The following RBBP6 variants were observed in gnomAD, a reference collection of about 807,000 sequenced individuals.
RBBP6 encodes E3 ubiquitin-protein ligase RBBP6.
Under a neutral mutation model 167.7 loss-of-function variants are expected in RBBP6, and 25 were observed. That is an observed-to-expected ratio of 0.15 (90% CI 0.11 to 0.21). RBBP6 has a LOEUF of 0.21. RBBP6 is among the 10% of genes least tolerant of loss of function. The probability of loss-of-function intolerance (pLI) is 1.00; values close to 1 mark genes in which losing one functional copy is unlikely to be tolerated. For missense variants in RBBP6, 1,868 were observed against 2,134.2 expected (o/e 0.88, Z 2.46); for synonymous variants, 789 against 735.8 (o/e 1.07, Z -1.17).
At chr16:24,563,165 AT>A in intron 10 of RBBP6, 33 bp from the exon 11 acceptor site, 1 of 1,519,696 alleles carries the variant, frequency 6.6e-7, no homozygotes. Context: ...ATTTCTGATA[AT>A]TTTTAATGTA....
In RBBP6 at chr16:24,556,995, C is replaced by CTTTTT. The variant is rs397962167; in HGVS notation, c.674+565_674+569dup. ...ATAGCTCTATAAAACACCTTAATGC[C>CTTTTT]TTTTTTTTTTTTTTTTTTTTTGAGA... On this transcript the variant is annotated intron_variant, in intron 7 of 17. Transcript: ENST00000319715. 6.7e-4 allele frequency among the ~76,000 whole-genome samples: 73 copies of CTTTTT among 108,846 alleles called. 1 individual carries two copies. The highest frequency in any genetic ancestry group is 1.7e-3 in the African/African-American group (48 of 27,810). 71.4% of individuals were successfully genotyped at this position (108,846 alleles called of 152,430 possible). A position where few individuals can be genotyped will look rare whatever the true frequency, so the allele number is the denominator to read the frequency against.
rs1474213272 is a variant in RBBP6 at position 24,568,764 on chromosome 16, G to C, written c.2074G>C (p.Gly692Arg). Residue 692 changes from glycine to arginine, a missense_variant, in exon 17 of 18, where the codon GGT becomes CGT. Gly to Arg is a moderately radical substitution (Grantham distance 125, BLOSUM62 -2). Coordinates refer to ENST00000319715, the MANE Select transcript of RBBP6 (RefSeq NM_006910.5). ...SFSRSKSPYS[G>R]SSYSRSSYTY... ...TTTTAGGTCTAAATCTCCCTATAGTGGTTCTTCGTATTCAAGAAGTTCATA... is the reference window on the plus strand; with the variant it reads ...TTTTAGGTCTAAATCTCCCTATAGTCGTTCTTCGTATTCAAGAAGTTCATA... 2.5e-6 allele frequency: 4 copies of C among 1,613,654 alleles called. No individual in the cohort carries two copies. In the Admixed American group the frequency reaches 6.7e-5, roughly 27 times the overall value.
chr16:24,548,787 A>G (rs1457195531), intron 2 of RBBP6, among the ~76,000 whole-genome samples, 158 bp from the exon 3 acceptor site: 2 of 152,184 alleles, frequency 1.3e-5, no homozygotes. Context: ...AAGATTAATC[A>G]GAGTAATTTA....
chr16:24,563,625 A>G lies in RBBP6; in HGVS notation c.1481A>G (p.Asn494Ser), dbSNP rs377276872. The G allele has an allele frequency of 2.6e-5, 42 of 1,612,450 alleles. No homozygotes were observed. Among genetic ancestry groups the G allele is most frequent in the Non-Finnish European group, 2.1e-5 (25 of 1,179,798 alleles). The part of the protein sequence containing the change: ...LIPTTGPVRI[N>S]TARPGGGRPG... The stretch of plus-strand genomic sequence containing the variant: ...TTGTTTCTAGGTCCAGTAAGAATAA[A>G]TACTGCTCGTCCAGGTGGTGGTCGA... Residue 494 changes from asparagine (N) to serine (S), a missense_variant, in exon 13 of 18, where the codon AAT (asparagine) becomes AGT (serine). Coordinates refer to ENST00000319715, the MANE Select transcript of RBBP6 (RefSeq NM_006910.5).
chr16:24,557,833 A>G (rs1447036532), intron 7 of RBBP6, among the ~76,000 whole-genome samples: 2 of 152,198 alleles, frequency 1.3e-5, no homozygotes, highest in Non-Finnish European at 2.9e-5. Flanking sequence ...GAAAATAGCT[A>G]TGCCATAGAA....
intron 4 of RBBP6, 169 bp from the exon 5 acceptor site, chr16:24,555,446 A>G: frequency 1.7e-6 from 1 of 581,230 alleles, no homozygotes. Context: ...AACATCATGT[A>G]ATTACCTAAG....
chr16:24,552,734 A>G (rs1292891615), intron 3 of RBBP6, among the ~76,000 whole-genome samples: 1 of 151,794 alleles, frequency 6.6e-6, no homozygotes, highest in East Asian at 1.9e-4. Context: ...CCCCCTCTTC[A>G]GTGTTAGAGA....
intron 2 of RBBP6, among the ~76,000 whole-genome samples, chr16:24,547,586 G>C (rs1489804710): frequency 6.6e-6 from 1 of 152,112 alleles, no homozygotes; most frequent in Non-Finnish European, 1.5e-5. Flanking sequence ...CTCCCAAGTA[G>C]CCAGGATTAT....
chr16:24,553,762 A>G (rs1000566712), intron 4 of RBBP6: 22 of 352,492 alleles, frequency 6.2e-5, no homozygotes, highest in South Asian at 2.1e-4. Context: ...AGTATTGTTC[A>G]TCTTCAAGAC....
At chr16:24,558,898 A>G (rs1487206305) in intron 7 of RBBP6, among the ~76,000 whole-genome samples, 1 of 152,172 alleles carries the variant, frequency 6.6e-6, no homozygotes, top group African/African-American at 2.4e-5. Flanking sequence ...TAATAAGTAG[A>G]TCATGGGTTT....
At chr16:24,541,195 AAAAAAAAAC>A (rs1898482253) in intron 1 of RBBP6, among the ~76,000 whole-genome samples, 6 of 134,366 alleles carry the variant, frequency 4.5e-5, no homozygotes. Context: ...AAAAAAAACA[AAAAAAAAAC>A]CAAAAAAACA....
chr16:24,568,157 T>C (rs1899238810), intron 16 of RBBP6, among the ~76,000 whole-genome samples: 1 of 152,216 alleles, frequency 6.6e-6, no homozygotes, highest in Non-Finnish European at 1.5e-5. Flanking sequence ...AATTGGGAAA[T>C]GTTTTTGGAA....
intron 14 of RBBP6, among the ~76,000 whole-genome samples, chr16:24,566,910 G>A (rs1167459169): frequency 6.6e-6 from 1 of 152,118 alleles, no homozygotes; most frequent in East Asian, 1.9e-4. Context: ...CAATATTTCC[G>A]TGTAGAGAAG....
chr16:24,561,295 G>A (rs2141471055), intron 8 of RBBP6, among the ~76,000 whole-genome samples: 1 of 150,978 alleles, frequency 6.6e-6, no homozygotes, highest in Middle Eastern at 3.4e-3. Flanking sequence ...TTGCTATTTT[G>A]CCCCAGGCTA....
At chr16:24,556,890 T>C (rs929435929) in intron 7 of RBBP6, among the ~76,000 whole-genome samples, 1 of 152,114 alleles carries the variant, frequency 6.6e-6, no homozygotes, top group African/African-American at 2.4e-5. Flanking sequence ...TGAAGTAGCT[T>C]GAATAAGTTT....
At chr16:24,550,131 A>G (rs979367206) in intron 3 of RBBP6, among the ~76,000 whole-genome samples, 1 of 151,918 alleles carries the variant, frequency 6.6e-6, no homozygotes, top group South Asian at 2.1e-4. Flanking sequence ...ATTGCTTGCT[A>G]TTTCACATTA....
At chr16:24,563,144 C>T (rs986991989) in intron 10 of RBBP6, 55 bp from the exon 11 acceptor site, 3 of 1,429,742 alleles carry the variant, frequency 2.1e-6, no homozygotes, top group Non-Finnish European at 2.9e-6. Context: ...CTTTTTTACT[C>T]TTAATTGTCC....
In RBBP6 at chr16:24,548,840, A is replaced by G. The variant is rs897040056; in HGVS notation, c.267-105A>G. The G allele has an allele frequency of 2.2e-5, 20 of 924,744 alleles. No homozygotes were observed. In the South Asian group the frequency reaches 3.2e-4, roughly 15 times the overall value. 57.3% of individuals were successfully genotyped at this position (924,744 alleles called of 1,614,324 possible). ...TGTTAAATATTTATACCAAAGGAAA[A>G]TTAGGTTCCTAAAAATGTATTATTG... On this transcript the variant is annotated intron_variant, in intron 2 of 17. Coordinates refer to ENST00000319715, the MANE Select transcript of RBBP6 (RefSeq NM_006910.5).
Position 24,569,663 on chromosome 16 carries a change from G to A in RBBP6, c.2973G>A (p.Met991Ile). 2.5e-6 allele frequency: 4 copies of A among 1,613,316 alleles called. No homozygotes were observed. Among genetic ancestry groups the A allele is most frequent in the Non-Finnish European group, 2.5e-6 (3 of 1,179,846 alleles). The part of the protein sequence containing the change: ...DDATPVRDEP[M>I]DAESITFKSV... ...CCACACCTGTTAGAGATGAACCAAT[G>A]GATGCAGAATCAATCACTTTTAAAT... Residue 991 changes from methionine (M) to isoleucine (I), a missense_variant, in exon 17 of 18, where the codon ATG (methionine) becomes ATA (isoleucine). Physicochemically the swap from Met to Ile is conservative, Grantham distance 10. Coordinates refer to ENST00000319715, the MANE Select transcript of RBBP6 (RefSeq NM_006910.5).
Sources: allele counts gnomAD v4.1 joint callset (sites outside exome capture counted in the v4.1 genomes callset), GRCh38; gene constraint gnomAD v4.1.1; transcripts MANE v1.5; gene names NCBI Gene and HGNC (gene_info 2026-07-23, HGNC 2026-07-21).